FHIT: variants seen among roughly 807,000 people sequenced by gnomAD.
The protein encoded by FHIT is bis(5'-adenosyl)-triphosphatase.
In FHIT, 19 loss-of-function variants were observed where a neutral mutation model predicts 17.9. The observed-to-expected ratio is 1.06, with a 90% CI of 0.74 to 1.56. The LOEUF (loss-of-function observed/expected upper bound fraction) is 1.56. Among genes scored for constraint, FHIT ranks in the 40% most tolerant of loss-of-function variants. The pLI is 0.00. For missense variants in FHIT, 248 were observed against 189.2 expected, an observed-to-expected ratio of 1.31 and a Z score of -1.82; for synonymous variants, 81 against 69.7, an observed-to-expected ratio of 1.16 and a Z score of -0.81.
intron 5 of FHIT, among the ~76,000 whole-genome samples, 197 bp from the exon 6 acceptor site, chr3:60,014,349 T>G (rs1332480732): frequency 6.6e-6 from 1 of 152,220 alleles, no homozygotes; most frequent in Non-Finnish European, 1.5e-5. Flanking sequence ...AATTACACTT[T>G]GAAGGAGAAG....
chr3:60,206,142 A>AT (rs1241766840), intron 5 of FHIT, among the ~76,000 whole-genome samples: 313 of 135,332 alleles, frequency 2.3e-3, no homozygotes, highest in Middle Eastern at 3.7e-3. Context: ...CAAAAAAAAA[A>AT]AAAAATAAAT....
At chr3:60,567,048 A>G (rs2037162687) in intron 4 of FHIT, among the ~76,000 whole-genome samples, 1 of 149,680 alleles carries the variant, frequency 6.7e-6, no homozygotes, top group South Asian at 2.2e-4. Context: ...GGTAATTTAT[A>G]GATTCAATGT....
chr3:59,964,313 T>A (rs1018596720), intron 7 of FHIT, among the ~76,000 whole-genome samples: 1 of 152,142 alleles, frequency 6.6e-6, no homozygotes, highest in South Asian at 2.1e-4. Context: ...AGATATGACA[T>A]GCCATTCACA....
chr3:60,198,173 C>A (rs1210694578), intron 5 of FHIT, among the ~76,000 whole-genome samples: 2 of 151,990 alleles, frequency 1.3e-5, no homozygotes, highest in Admixed American at 1.3e-4. Flanking sequence ...TTCTGAGACT[C>A]TCCAGGTCCA....
intron 3 of FHIT, among the ~76,000 whole-genome samples, chr3:60,906,623 A>T (rs1190408982): frequency 6.6e-6 from 1 of 152,164 alleles, no homozygotes; most frequent in African/African-American, 2.4e-5. Context: ...TCAAAGACTG[A>T]TGGAGATATG....
chr3:60,635,832 G>A lies in FHIT; in HGVS notation c.-17-98853C>T, dbSNP rs571384516. Among the ~76,000 whole-genome samples the A allele has an allele frequency of 7.9e-4, 121 of 152,204 alleles. 1 individual carries two copies. The highest frequency in any genetic ancestry group is 2.9e-3 in the African/African-American group (119 of 41,540). On this transcript the variant is annotated intron_variant, in intron 4 of 9. Coordinates refer to ENST00000492590, the MANE Select transcript of FHIT (RefSeq NM_002012.4). The stretch of plus-strand genomic sequence containing the variant: ...AACTTTTCCCTTAAACGGGCAGACA[G>A]CAAGTATTTTTGCCTTTGTGAGCCA...
chr3:60,986,893 G>T (rs767232988), intron 3 of FHIT, among the ~76,000 whole-genome samples: 89 of 152,108 alleles, frequency 5.9e-4, no homozygotes, highest in Non-Finnish European at 2.1e-4. Flanking sequence ...CTCCCATAGT[G>T]CTTTACATGT....
intron 5 of FHIT, among the ~76,000 whole-genome samples, chr3:60,276,408 C>G (rs1426951320): frequency 6.6e-6 from 1 of 152,022 alleles, no homozygotes; most frequent in Non-Finnish European, 1.5e-5. Flanking sequence ...GCGTTTTTCT[C>G]AAAGCTGAGA....
chr3:60,217,397 C>T (rs1488659054), intron 5 of FHIT, among the ~76,000 whole-genome samples: 1 of 152,198 alleles, frequency 6.6e-6, no homozygotes, highest in African/African-American at 2.4e-5. Context: ...CTTTGTGCTG[C>T]TTCCTAAATA....
intron 3 of FHIT, among the ~76,000 whole-genome samples, chr3:60,989,614 A>G (rs955415188): frequency 1.3e-5 from 2 of 152,196 alleles, no homozygotes; most frequent in African/African-American, 4.8e-5. Flanking sequence ...TTCACACAGC[A>G]AGTCAGCAGT....
At chr3:60,178,706 T>C (rs1440862019) in intron 5 of FHIT, among the ~76,000 whole-genome samples, 5 of 152,200 alleles carry the variant, frequency 3.3e-5, no homozygotes, top group Non-Finnish European at 7.3e-5. Context: ...TTGTTTTTCG[T>C]CCATTAGCTC....
intron 4 of FHIT, among the ~76,000 whole-genome samples, chr3:60,772,452 A>G (rs181248340): frequency 1.1e-3 from 161 of 152,132 alleles, no homozygotes; most frequent in African/African-American, 3.8e-3. Flanking sequence ...GAAAAATAAT[A>G]GGGGAATTGA....
intron 3 of FHIT, among the ~76,000 whole-genome samples, chr3:61,000,074 G>A (rs914385920): frequency 5.3e-5 from 8 of 152,232 alleles, no homozygotes; most frequent in African/African-American, 1.4e-4. Flanking sequence ...AAATGTTGGG[G>A]GTACACAAAC....
chr3:60,408,601 A>G (rs1199108905), intron 5 of FHIT, among the ~76,000 whole-genome samples: 2 of 152,200 alleles, frequency 1.3e-5, no homozygotes, highest in East Asian at 1.9e-4. Flanking sequence ...TAGGAGAGAC[A>G]ATCAGGGAGA....
At chr3:59,905,305 C>G (rs1704535878) in intron 8 of FHIT, among the ~76,000 whole-genome samples, 1 of 152,158 alleles carries the variant, frequency 6.6e-6, no homozygotes, top group Non-Finnish European at 1.5e-5. Context: ...GGACGAACTT[C>G]AAGAATAAAC....
chr3:60,155,033 T>TCTC (rs1700620480), intron 5 of FHIT, among the ~76,000 whole-genome samples: 1 of 151,654 alleles, frequency 6.6e-6, no homozygotes, highest in Non-Finnish European at 1.5e-5. Flanking sequence ...GATCCCAGTT[T>TCTC]TACAAAAAAA....
rs540049831 is a variant in FHIT, at chr3:60,732,727, C to T, written c.-18+89192G>A. The T allele has an allele frequency of 2.5e-5, 8 of 313,822 alleles. No individual in the cohort carries two copies. The East Asian group carries it at 6.2e-4, about 24-fold the overall frequency. The allele number at this position is 313,822 out of a possible 1,614,324, so 19.4% of individuals were successfully genotyped here. A position where few individuals can be genotyped will look rare whatever the true frequency, so the allele number is the denominator to read the frequency against. ...TTTTTGACAAAGTCTCGCTCTGTCACCCAGGCTGGAGTGCAGCGGCACAAT... is the reference window on the plus strand; with the variant it reads ...TTTTTGACAAAGTCTCGCTCTGTCATCCAGGCTGGAGTGCAGCGGCACAAT... On this transcript the variant is annotated intron_variant, in intron 4 of 9. Transcript: ENST00000492590.
chr3:59,757,844 T>C (rs1486895715), intron 8 of FHIT, among the ~76,000 whole-genome samples: 3 of 152,214 alleles, frequency 2.0e-5, no homozygotes, highest in Non-Finnish European at 2.9e-5. Flanking sequence ...AATAACTGTA[T>C]TGTTTTTTTA....
At chr3:61,067,559 C>G (rs1046833977) in intron 2 of FHIT, among the ~76,000 whole-genome samples, 15 of 152,106 alleles carry the variant, frequency 9.9e-5, no homozygotes, top group African/African-American at 3.4e-4. Context: ...ACTTCCCACA[C>G]GAATGACCTT....
Sources: allele counts gnomAD v4.1 joint callset (sites outside exome capture counted in the v4.1 genomes callset), GRCh38; gene constraint gnomAD v4.1.1; transcripts MANE v1.5; gene names NCBI Gene and HGNC (gene_info 2026-07-23, HGNC 2026-07-21).